The following ESRRG variants were observed in gnomAD, a reference collection of about 807,000 sequenced individuals.
The protein encoded by ESRRG is estrogen related receptor gamma.
Under a neutral mutation model 44.0 loss-of-function variants are expected in ESRRG, and 13 were observed. That is an observed-to-expected ratio of 0.30 (90% CI 0.19 to 0.47). The LOEUF (loss-of-function observed/expected upper bound fraction) is 0.47, where lower values mean the gene tolerates loss of function less well. ESRRG is among the 20% of genes least tolerant of loss of function. The pLI is 1.00. For missense variants in ESRRG, 395 were observed against 580.6 expected, an observed-to-expected ratio of 0.68 and a Z score of 3.29; for synonymous variants, 215 against 214.6, an observed-to-expected ratio of 1.00 and a Z score of -0.02.
At chr1:216,630,112 G>A (rs570379340) in intron 3 of ESRRG, among the ~76,000 whole-genome samples, 1 of 152,172 alleles carries the variant, frequency 6.6e-6, no homozygotes, top group Admixed American at 6.5e-5. Flanking sequence ...GGCACATGTT[G>A]CTTTCCTTAT....
chr1:216,856,428 C>A (rs1419485971), intron 2 of ESRRG, among the ~76,000 whole-genome samples: 4 of 150,936 alleles, frequency 2.7e-5, no homozygotes, highest in African/African-American at 9.8e-5. Context: ...TGAAGAAATT[C>A]ATCTTGACCT....
At position 216,911,836 on chromosome 1, in the gene ESRRG, G is replaced by A. The variant is rs112960012; in HGVS notation, c.-14+27746C>T. 6.6e-5 allele frequency among the ~76,000 whole-genome samples: 10 copies of A among 152,126 alleles called. 1 individual carries two copies. Among genetic ancestry groups the A allele is most frequent in the African/African-American group, 2.4e-4 (10 of 41,512 alleles). On this transcript the variant is annotated intron_variant, in intron 2 of 7. Transcript: ENST00000359162. ...TGTAATCCTAGCACTTTGGGAGGCC[G>A]AGGCAGGTGGATCACGTGCGCTCAG...
intron 2 of ESRRG, among the ~76,000 whole-genome samples, chr1:216,904,957 T>C (rs2059526514): frequency 6.6e-6 from 1 of 152,186 alleles, no homozygotes. Flanking sequence ...GGGCAGCCTT[T>C]CAATACCATC....
chr1:216,649,993 C>T (rs1348039306), intron 3 of ESRRG, among the ~76,000 whole-genome samples: 5 of 152,062 alleles, frequency 3.3e-5, no homozygotes, highest in African/African-American at 9.7e-5. Context: ...ATAGGACAAG[C>T]CCCAGAAACA....
intron 1 of ESRRG, among the ~76,000 whole-genome samples, chr1:217,068,027 T>C (rs2090015089): frequency 6.6e-6 from 1 of 152,174 alleles, no homozygotes; most frequent in African/African-American, 2.4e-5. Flanking sequence ...TCTTATTACA[T>C]GGTAAAGTGG....
chr1:217,111,832 A>G (rs1229690385), intron 1 of ESRRG, among the ~76,000 whole-genome samples: 1 of 152,200 alleles, frequency 6.6e-6, no homozygotes, highest in Non-Finnish European at 1.5e-5. Flanking sequence ...TGAGAAGACT[A>G]CAGACTCACT....
At chr1:216,555,642 G>A (rs547766928) in intron 5 of ESRRG, among the ~76,000 whole-genome samples, 8 of 151,922 alleles carry the variant, frequency 5.3e-5, no homozygotes, top group South Asian at 2.1e-4. Flanking sequence ...ACTGTTTCTC[G>A]GATGCCTGAT....
chr1:216,903,136 C>T (rs934701243), intron 2 of ESRRG, among the ~76,000 whole-genome samples: 14 of 152,114 alleles, frequency 9.2e-5, no homozygotes, highest in Non-Finnish European at 1.8e-4. Context: ...TACCTGGAAT[C>T]GTGTACACTG....
intron 5 of ESRRG, among the ~76,000 whole-genome samples, chr1:216,560,472 T>C (rs1402771070): frequency 6.6e-6 from 1 of 152,210 alleles, no homozygotes; most frequent in East Asian, 1.9e-4. Context: ...TCCATAAATA[T>C]GTTTAAGCCA....
chr1:216,554,263 G>A (rs1207546458), intron 5 of ESRRG, among the ~76,000 whole-genome samples: 2 of 151,944 alleles, frequency 1.3e-5, no homozygotes, highest in Admixed American at 6.6e-5. Flanking sequence ...AGACCAGCCT[G>A]GCCAACATGG....
At chr1:216,614,150 T>C (rs1489438376) in intron 3 of ESRRG, among the ~76,000 whole-genome samples, 2 of 152,202 alleles carry the variant, frequency 1.3e-5, no homozygotes, top group Non-Finnish European at 2.9e-5. Flanking sequence ...GTGCAGTGCA[T>C]GGGCAGGTGG....
upstream of ESRRG, among the ~76,000 whole-genome samples, chr1:216,727,009 C>T (rs181359279): frequency 1.3e-5 from 2 of 152,154 alleles, no homozygotes; most frequent in African/African-American, 4.8e-5. Context: ...ATGAGAAATG[C>T]TTAGTCTTGC....
intron 1 of ESRRG, among the ~76,000 whole-genome samples, chr1:217,088,571 A>T (rs1187970999): frequency 6.6e-6 from 1 of 151,864 alleles, no homozygotes; most frequent in Middle Eastern, 3.2e-3. Context: ...TGCTTCCCTA[A>T]CATAAGCAGA....
chr1:216,789,610 G>A (rs2094247489), intron 2 of ESRRG, among the ~76,000 whole-genome samples: 1 of 152,056 alleles, frequency 6.6e-6, no homozygotes, highest in Admixed American at 6.6e-5. Flanking sequence ...CACTATCTCC[G>A]AGGTATGCCT....
At chr1:216,622,621 C>CACACACACAT (rs2150502979) in intron 3 of ESRRG, among the ~76,000 whole-genome samples, 1 of 151,938 alleles carries the variant, frequency 6.6e-6, no homozygotes, top group Non-Finnish European at 1.5e-5. Context: ...CACACACGCA[C>CACACACACAT]ACACACACAC....
chr1:216,526,332 T>C (rs2047638973), intron 5 of ESRRG, among the ~76,000 whole-genome samples: 1 of 152,084 alleles, frequency 6.6e-6, no homozygotes. Context: ...AAGTGGGCCC[T>C]AATGTAATAT....
chr1:216,999,371 T>TAGGA, intron 1 of ESRRG, among the ~76,000 whole-genome samples: 1 of 152,208 alleles, frequency 6.6e-6, no homozygotes, highest in South Asian at 2.1e-4. Flanking sequence ...ATCAAGCACA[T>TAGGA]ACATGCTAGG....
intron 3 of ESRRG, among the ~76,000 whole-genome samples, chr1:216,620,633 TGC>T (rs2062069165): frequency 6.6e-6 from 1 of 152,184 alleles, no homozygotes; most frequent in African/African-American, 2.4e-5. Flanking sequence ...TCATTCACAT[TGC>T]ATTGTGGTAA....
chr1:216,632,078 G>T (rs2064318330), intron 3 of ESRRG, among the ~76,000 whole-genome samples: 1 of 152,280 alleles, frequency 6.6e-6, no homozygotes, highest in Non-Finnish European at 1.5e-5. Flanking sequence ...GACAATAAAA[G>T]AATCTTATAT....
Sources: gnomAD v4.1 joint callset for allele counts (sites outside exome capture counted in the v4.1 genomes callset) on GRCh38, gnomAD v4.1.1 for gene constraint, MANE v1.5 for transcripts, NCBI Gene and HGNC (gene_info 2026-07-23, HGNC 2026-07-21) for gene names.